DNAH5: variants seen among roughly 807,000 people sequenced by gnomAD.
DNAH5 encodes dynein axonemal heavy chain 5.
In DNAH5, 372 loss-of-function variants were observed where a neutral mutation model predicts 518.2. The ratio of observed to expected loss-of-function variants is 0.72; its 90% confidence interval spans 0.66 to 0.78. The LOEUF (loss-of-function observed/expected upper bound fraction) is 0.78, where lower values mean the gene tolerates loss of function less well. Ranked by LOEUF, DNAH5 falls within the 30% of genes least tolerant of loss-of-function variation. The pLI is 0.00. For synonymous variants in DNAH5, 2,039 were observed against 2,025.9 expected (o/e 1.01, Z -0.17); for missense variants, 5,523 against 5,687.0 (o/e 0.97, Z 0.93).
intron 61 of DNAH5, 27 bp from the exon 62 acceptor site, chr5:13,754,365 GC>G: frequency 6.2e-7 from 1 of 1,613,864 alleles, no homozygotes; most frequent in Non-Finnish European, 8.5e-7. Context: ...TCACAAGAAA[GC>G]TTTTACTGAA....
intron 1 of DNAH5, among the ~76,000 whole-genome samples, chr5:13,992,374 T>C (rs1783617429): frequency 6.6e-6 from 1 of 152,156 alleles, no homozygotes; most frequent in Admixed American, 6.5e-5. Context: ...CAGATAGACA[T>C]AAGAATGAGA....
At chr5:13,788,950 C>T (rs1756511558) in intron 50 of DNAH5, 36 bp from the exon 51 acceptor site, 1 of 1,584,174 alleles carries the variant, frequency 6.3e-7, no homozygotes, top group African/African-American at 1.3e-5. Flanking sequence ...TTAGTAATTC[C>T]TGTTATGCCG....
intron 29 of DNAH5, among the ~76,000 whole-genome samples, chr5:13,862,228 A>T (rs1208730929): frequency 6.6e-6 from 1 of 152,146 alleles, no homozygotes; most frequent in African/African-American, 2.4e-5. Context: ...TATTTTGTCC[A>T]GTGGATGGTC....
Position 13,871,689 on chromosome 5 carries a change from G to A in DNAH5, c.3473C>T (p.Thr1158Ile), listed in dbSNP as rs368472903. The change falls in exon 23 of 79, where the codon ACA becomes ATA. Residue 1158 changes from threonine to isoleucine, a missense_variant. Around this residue, in one of 3 missense-constraint regions of DNAH5, gnomAD observed 5,121 missense variants for 5,223.3 expected, o/e 0.98. Transcript: ENST00000265104. ...WQKGKEEAIK[T>I]FITQSPLLSE... The stretch of plus-strand genomic sequence containing the variant: ...AAGCAAGGGGCTCTGTGTAATAAAT[G>A]TCTTAATGGCTTCTTCTTTTCCCTT... 7 of 1,613,754 alleles carry A rather than the reference G, an allele frequency of 4.3e-6. No homozygotes were observed. In the African/African-American group the frequency reaches 5.3e-5, roughly 12 times the overall value.
At chr5:13,903,253 A>C (rs1356312327) in intron 12 of DNAH5, among the ~76,000 whole-genome samples, 1 of 152,170 alleles carries the variant, frequency 6.6e-6, no homozygotes, top group Non-Finnish European at 1.5e-5. Flanking sequence ...AAACTGATGA[A>C]CTACAAGACA....
chr5:13,823,937 C>T (rs1400932463), intron 39 of DNAH5, among the ~76,000 whole-genome samples: 2 of 152,170 alleles, frequency 1.3e-5, no homozygotes, highest in Non-Finnish European at 2.9e-5. Context: ...AAAAATGATT[C>T]AAGGTATTTG....
At chr5:13,907,531 G>A (rs182249216) in intron 12 of DNAH5, among the ~76,000 whole-genome samples, 2 of 152,208 alleles carry the variant, frequency 1.3e-5, no homozygotes, top group African/African-American at 2.4e-5. Flanking sequence ...AAGGTGAAAC[G>A]TGTTGTAAAA....
At chr5:13,776,891 C>T (rs759392975) in intron 54 of DNAH5, among the ~76,000 whole-genome samples, 185 bp from the exon 55 acceptor site, 152 of 152,150 alleles carry the variant, frequency 1.0e-3, no homozygotes, top group Middle Eastern at 3.2e-3. Context: ...CTATTAACTG[C>T]AAAGTTGTAG....
chr5:13,886,366 C>A (rs1475799936), intron 17 of DNAH5, among the ~76,000 whole-genome samples: 4 of 151,664 alleles, frequency 2.6e-5, no homozygotes, highest in Middle Eastern at 6.4e-3. Context: ...ACAGGCACTT[C>A]TCCACCAGTA....
At chr5:13,866,747 C>T (rs1324486947) in intron 25 of DNAH5, among the ~76,000 whole-genome samples, 6 of 152,114 alleles carry the variant, frequency 3.9e-5, no homozygotes, top group Non-Finnish European at 7.3e-5. Flanking sequence ...TCATCCATGG[C>T]GTTGGTACAT....
In DNAH5 at chr5:13,866,115, T is replaced by C. The variant is rs1014055417; in HGVS notation, c.4116+105A>G. 7.8e-5 allele frequency: 82 copies of C among 1,056,036 alleles called. No individual in the cohort carries two copies. The East Asian group carries it at 1.9e-3, about 25-fold the overall frequency. The allele number at this position is 1,056,036 out of a possible 1,614,324, so 65.4% of individuals were successfully genotyped here. ...GTATTTTTAATGCAAGTACATACCATATTCCACAATAGGGCCCTCTATCTT... is the reference window on the plus strand; with the variant it reads ...GTATTTTTAATGCAAGTACATACCACATTCCACAATAGGGCCCTCTATCTT... On this transcript the variant is annotated intron_variant, in intron 26 of 78. Coordinates refer to ENST00000265104, the MANE Select transcript of DNAH5 (RefSeq NM_001369.3).
intron 16 of DNAH5, among the ~76,000 whole-genome samples, chr5:13,892,300 C>T (rs891402495): frequency 1.3e-5 from 2 of 152,130 alleles, no homozygotes; most frequent in African/African-American, 4.8e-5. Flanking sequence ...AAAATAGTCC[C>T]CAAGGATGTC....
In DNAH5 at chr5:13,850,640, C is replaced by A; in HGVS notation, c.5114+12G>T. On this transcript the variant is annotated intron_variant, in intron 31 of 78. Transcript: ENST00000265104. The stretch of plus-strand genomic sequence containing the variant: ...AGGATACCGAGAGCTTTCAAAGAGC[C>A]AGTGAACTTACCCAGTAAGGGATTT... 6.2e-7 allele frequency: 1 copy of A among 1,612,952 alleles called. No homozygotes were observed. The highest frequency in any genetic ancestry group is 8.5e-7 in the Non-Finnish European group (1 of 1,179,096).
intron 1 of DNAH5, among the ~76,000 whole-genome samples, chr5:13,983,606 C>G (rs1018732648): frequency 2.0e-5 from 3 of 152,104 alleles, no homozygotes; most frequent in Non-Finnish European, 4.4e-5. Context: ...CCTCTAGGAC[C>G]GTCTGAAAGG....
At position 13,825,562 on chromosome 5, in the gene DNAH5, A is replaced by G. The variant is rs143066742; in HGVS notation, c.6445-1229T>C. Among the ~76,000 whole-genome samples, 400 of 152,352 alleles carry G rather than the reference A, an allele frequency of 2.6e-3. 1 individual carries two copies. Among genetic ancestry groups the G allele is most frequent in the Non-Finnish European group, 3.4e-3 (232 of 68,044 alleles). ...AGGACATCCTGTCACATGCTAAAAC[A>G]TGAATGAACCTTGAGGACATTACAC... On this transcript the variant is annotated intron_variant, in intron 38 of 78. Transcript: ENST00000265104.
intron 17 of DNAH5, among the ~76,000 whole-genome samples, chr5:13,889,038 G>GA (rs1772818593): frequency 6.6e-6 from 1 of 152,074 alleles, no homozygotes; most frequent in South Asian, 2.1e-4. Context: ...TTAACTGGGA[G>GA]AAAAAAGTAC....
intron 53 of DNAH5, 72 bp downstream of exon 53, chr5:13,780,757 T>C: frequency 7.8e-6 from 12 of 1,545,678 alleles, no homozygotes; most frequent in Non-Finnish European, 1.1e-5. Flanking sequence ...GAAATGCATT[T>C]GAACTTCAGG....
chr5:13,738,372 T>C (rs1257038805), intron 65 of DNAH5, among the ~76,000 whole-genome samples: 1 of 152,230 alleles, frequency 6.6e-6, no homozygotes, highest in African/African-American at 2.4e-5. Flanking sequence ...AATGTGGTTA[T>C]TTCAAACTTG....
intron 35 of DNAH5, among the ~76,000 whole-genome samples, chr5:13,832,428 T>C (rs1763796844): frequency 6.6e-6 from 1 of 152,236 alleles, no homozygotes; most frequent in Non-Finnish European, 1.5e-5. Flanking sequence ...GTGACAAGCA[T>C]GGATCTGTCA....
Sources: allele counts gnomAD v4.1 joint callset (sites outside exome capture counted in the v4.1 genomes callset), GRCh38; gene constraint gnomAD v4.1.1; regional missense constraint gnomAD v4.1.1; transcripts MANE v1.5; gene names NCBI Gene and HGNC (gene_info 2026-07-23, HGNC 2026-07-21).